Variants in PCED1B observed in about 807,000 individuals in gnomAD.
The protein encoded by PCED1B is PC-esterase domain containing 1B, also known as PC-esterase domain-containing protein 1B.
For synonymous variants in PCED1B, 251 were observed against 246.1 expected, an observed-to-expected ratio of 1.02 and a Z score of -0.19; for missense variants, 573 against 573.9, an observed-to-expected ratio of 1.00 and a Z score of 0.02.
In PCED1B at chr12:47,195,712, A is replaced by G. The variant is rs1456028012; in HGVS notation, c.-525-20510A>G. 2.0e-5 allele frequency among the ~76,000 whole-genome samples: 3 copies of G among 152,380 alleles called. No individual in the cohort carries two copies. In the East Asian group the frequency reaches 5.8e-4, roughly 29 times the overall value. On this transcript the variant is annotated intron_variant, in intron 2 of 3. Transcript: ENST00000546455. The stretch of plus-strand genomic sequence containing the variant: ...ATATCAGATATTGAAGTGAGTCAGG[A>G]AGATCTAAGAAAATCATACCTGAGT...
intron 2 of PCED1B, among the ~76,000 whole-genome samples, chr12:47,128,472 G>A (rs966422872): frequency 2.0e-5 from 3 of 150,200 alleles, no homozygotes; most frequent in Non-Finnish European, 4.4e-5. Flanking sequence ...CATGGAGAGC[G>A]CTGAAAACCA....
At chr12:47,140,039 T>C (rs2137402551) in intron 2 of PCED1B, among the ~76,000 whole-genome samples, 3 of 152,278 alleles carry the variant, frequency 2.0e-5, no homozygotes, top group Admixed American at 2.0e-4. Context: ...CCAGGGTGAT[T>C]GAAAACTCCA....
At chr12:47,163,628 C>T (rs1941457624) in intron 2 of PCED1B, among the ~76,000 whole-genome samples, 1 of 152,098 alleles carries the variant, frequency 6.6e-6, no homozygotes, top group Admixed American at 6.6e-5. Context: ...TTATGAAAGG[C>T]TGTTGAATTT....
chr12:47,097,408 A>C (rs947625346), intron 1 of PCED1B, among the ~76,000 whole-genome samples: 1 of 152,198 alleles, frequency 6.6e-6, no homozygotes, highest in Non-Finnish European at 1.5e-5. Flanking sequence ...TTTCCTCATG[A>C]CTGGAAGCCC....
chr12:47,207,181 G>C (rs1332812720), intron 2 of PCED1B, among the ~76,000 whole-genome samples: 2 of 152,212 alleles, frequency 1.3e-5, no homozygotes, highest in African/African-American at 4.8e-5. Context: ...AATGCACCAA[G>C]AAAATAAAGG....
chr12:47,203,698 T>A (rs1315222487), intron 2 of PCED1B, among the ~76,000 whole-genome samples: 1 of 152,250 alleles, frequency 6.6e-6, no homozygotes, highest in Non-Finnish European at 1.5e-5. Flanking sequence ...CACATTTTCA[T>A]TATCCAGTCT....
intron 2 of PCED1B, among the ~76,000 whole-genome samples, chr12:47,134,468 T>C (rs763052433): frequency 7.2e-5 from 11 of 152,176 alleles, no homozygotes; most frequent in Non-Finnish European, 1.0e-4. Context: ...CTAGAAAATA[T>C]TAACTTTAAA....
chr12:47,131,673 C>CT lies in PCED1B; in HGVS notation c.-526+27492dup, dbSNP rs760678015. ...CTGACACTATTGTCATGTTTTACTT[C>CT]TTTTTTTTTTTTTTGAGAAGGAGTC... On this transcript the variant is annotated intron_variant, in intron 2 of 3. Coordinates refer to ENST00000546455, the MANE Select transcript of PCED1B (RefSeq NM_138371.3). Among the ~76,000 whole-genome samples the CT allele has an allele frequency of 8.3e-3, 1,065 of 127,954 alleles. 25 individuals carry two copies. Among genetic ancestry groups the CT allele is most frequent in the East Asian group, 0.042 (182 of 4,366 alleles). 83.9% of individuals were successfully genotyped at this position (127,954 alleles called of 152,430 possible). A position where few individuals can be genotyped will look rare whatever the true frequency, so the allele number is the denominator to read the frequency against.
At chr12:47,148,448 G>T (rs540849831) in intron 2 of PCED1B, among the ~76,000 whole-genome samples, 5 of 152,308 alleles carry the variant, frequency 3.3e-5, no homozygotes, top group African/African-American at 1.2e-4. Flanking sequence ...AGAAGAGAGT[G>T]AGTAGGGGCT....
intron 2 of PCED1B, among the ~76,000 whole-genome samples, chr12:47,180,768 G>A (rs75619417): frequency 0.013 from 1,998 of 152,036 alleles, 41 homozygotes; most frequent in African/African-American, 0.045. Context: ...AAATTAAAAC[G>A]TGGGCAAAGG....
chr12:47,209,996 T>A (rs1486881453), intron 2 of PCED1B: 1 of 152,210 alleles, frequency 6.6e-6, no homozygotes, highest in African/African-American at 2.4e-5. Flanking sequence ...GAAGCTACTC[T>A]TCTTGTGGCA....
intron 1 of PCED1B, among the ~76,000 whole-genome samples, chr12:47,103,160 A>G (rs1938790618): frequency 6.6e-6 from 1 of 152,210 alleles, no homozygotes; most frequent in African/African-American, 2.4e-5. Flanking sequence ...GAGGAATTGG[A>G]CTGTCTGAAT....
At chr12:47,217,516 G>GAAAAAAAGA (rs141653515) in intron 3 of PCED1B, among the ~76,000 whole-genome samples, 1 of 111,802 alleles carries the variant, frequency 8.9e-6, no homozygotes, top group African/African-American at 4.0e-5. Context: ...AAGAAAGAAA[G>GAAAAAAAGA]AAGAAAGAGA....
At chr12:47,176,285 GT>G (rs540802946) in intron 2 of PCED1B, among the ~76,000 whole-genome samples, 1 of 152,020 alleles carries the variant, frequency 6.6e-6, no homozygotes, top group African/African-American at 2.4e-5. Flanking sequence ...TCTAATATTT[GT>G]TTTTTTCCCC....
intron 2 of PCED1B, chr12:47,210,259 A>C (rs1222248494): frequency 6.6e-6 from 1 of 152,248 alleles, no homozygotes; most frequent in Non-Finnish European, 1.5e-5. Flanking sequence ...ACTAAGAATA[A>C]ATGCATAGGT....
At chr12:47,130,232 T>C (rs746897444) in intron 2 of PCED1B, among the ~76,000 whole-genome samples, 109 of 152,302 alleles carry the variant, frequency 7.2e-4, no homozygotes, top group African/African-American at 2.5e-3. Flanking sequence ...AAAAGTCACT[T>C]AATATATTTT....
chr12:47,188,590 CT>C (rs1942349028), intron 2 of PCED1B, among the ~76,000 whole-genome samples: 1 of 152,292 alleles, frequency 6.6e-6, no homozygotes, highest in East Asian at 1.9e-4. Context: ...TAAGGACTTC[CT>C]TTTTTCAATG....
intron 1 of PCED1B, among the ~76,000 whole-genome samples, chr12:47,086,851 G>A (rs1938012646): frequency 2.6e-5 from 4 of 152,154 alleles, no homozygotes; most frequent in Non-Finnish European, 5.9e-5. Context: ...AGCATTCAGA[G>A]TCCTATTTTA....
intron 2 of PCED1B, among the ~76,000 whole-genome samples, chr12:47,197,238 CAAAAAAAAAAAA>C (rs57095369): frequency 1.7e-5 from 1 of 58,618 alleles, no homozygotes; most frequent in Non-Finnish European, 2.9e-5. Context: ...GACTCTGTCT[CAAAAAAAAAAAA>C]AAAAAAAAAA....
Sources: allele counts gnomAD v4.1 joint callset (sites outside exome capture counted in the v4.1 genomes callset), GRCh38; gene constraint gnomAD v4.1.1; transcripts MANE v1.5; gene names NCBI Gene and HGNC (gene_info 2026-07-23, HGNC 2026-07-21).